Variants in TMEM50A observed in about 807,000 individuals in gnomAD.
The protein encoded by TMEM50A is cervical cancer oncogene 9.
In TMEM50A, 8 loss-of-function variants were observed where a neutral mutation model predicts 23.9. That is an observed-to-expected ratio of 0.33 (90% CI 0.20 to 0.60). TMEM50A has a LOEUF of 0.60. Ranked by LOEUF, TMEM50A falls within the 20% of genes least tolerant of loss-of-function variation. The pLI is 0.81. For missense variants in TMEM50A, 178 were observed against 192.7 expected, an observed-to-expected ratio of 0.92 and a Z score of 0.45; for synonymous variants, 55 against 60.4, an observed-to-expected ratio of 0.91 and a Z score of 0.41.
intron 2 of TMEM50A, among the ~76,000 whole-genome samples, chr1:25,341,443 A>G (rs1426418350): frequency 1.3e-5 from 2 of 152,188 alleles, no homozygotes; most frequent in East Asian, 1.9e-4. Context: ...GTATTTTAGT[A>G]GAGACGGGGT....
intron 5 of TMEM50A, among the ~76,000 whole-genome samples, chr1:25,353,688 G>C (rs1425583377): frequency 3.3e-5 from 5 of 152,180 alleles, no homozygotes; most frequent in Admixed American, 6.5e-5. Context: ...TTTAAGGCAA[G>C]CTCAGGAAAA....
At chr1:25,343,657 G>A (rs1309723064) in intron 3 of TMEM50A, among the ~76,000 whole-genome samples, 1 of 152,050 alleles carries the variant, frequency 6.6e-6, no homozygotes, top group African/African-American at 2.4e-5. Flanking sequence ...CTCCCAAAGT[G>A]CCAGGATTAC....
At position 25,359,420 on chromosome 1, in the gene TMEM50A, G is replaced by A. The variant is rs528692284; in HGVS notation, c.429-1240G>A. ...CCCTCACCGAAACCCTAGACCAGGGGTGTCCAATTTTTTGGCTTCCCTGGG... is the reference window on the plus strand; with the variant it reads ...CCCTCACCGAAACCCTAGACCAGGGATGTCCAATTTTTTGGCTTCCCTGGG... On this transcript the variant is annotated intron_variant, in intron 6 of 6. Transcript: ENST00000374358. Among the ~76,000 whole-genome samples the A allele has an allele frequency of 1.5e-3, 225 of 152,024 alleles. 1 individual carries two copies. The highest frequency in any genetic ancestry group is 5.2e-3 in the African/African-American group (217 of 41,452).
rs1296078679 is a variant in TMEM50A at position 25,343,041 on chromosome 1, C to T, written c.174C>T (p.Ala58=). The T allele has an allele frequency of 6.2e-7, 1 of 1,613,366 alleles. No individual in the cohort carries two copies. Among genetic ancestry groups the T allele is most frequent in the South Asian group, 1.1e-5 (1 of 90,948 alleles). ...AAGATTTCAACCACTCATACCATGC[C>T]TGTGGTGTTATAGCAACCATAGCCT... The part of the protein sequence containing the change: ...TMKDFNHSYH[A]CGVIATIAFL... The change falls in exon 3 of 7, where the codon GCC becomes GCT. Residue 58 remains alanine, a synonymous_variant. Coordinates refer to ENST00000374358, the MANE Select transcript of TMEM50A (RefSeq NM_014313.4).
At chr1:25,358,930 T>C (rs1345477845) in intron 6 of TMEM50A, among the ~76,000 whole-genome samples, 1 of 152,260 alleles carries the variant, frequency 6.6e-6, no homozygotes, top group Admixed American at 6.5e-5. Flanking sequence ...AATTTTTGTA[T>C]TTTTTGTAGA....
chr1:25,350,482 G>A (rs772419979), intron 3 of TMEM50A, among the ~76,000 whole-genome samples: 8 of 152,046 alleles, frequency 5.3e-5, no homozygotes, highest in Non-Finnish European at 7.4e-5. Flanking sequence ...CCTGTTTCCC[G>A]GGTTCAAGCA....
At chr1:25,347,710 T>TG (rs1440011579) in intron 3 of TMEM50A, among the ~76,000 whole-genome samples, 4 of 152,242 alleles carry the variant, frequency 2.6e-5, no homozygotes, top group African/African-American at 4.8e-5. Flanking sequence ...TGACTGTGCC[T>TG]GGCATGGAGT....
intron 3 of TMEM50A, among the ~76,000 whole-genome samples, chr1:25,350,658 G>C (rs1645266257): frequency 2.0e-5 from 3 of 152,018 alleles, no homozygotes; most frequent in Non-Finnish European, 2.9e-5. Flanking sequence ...AAAGTGCTGG[G>C]ATTATAGGCA....
Position 25,351,690 on chromosome 1 carries a change from A to G in TMEM50A, c.271A>G (p.Thr91Ala). 6.2e-7 allele frequency: 1 copy of G among 1,612,906 alleles called. No individual in the cohort carries two copies. The highest frequency in any genetic ancestry group is 8.5e-7 in the Non-Finnish European group (1 of 1,179,568). The change falls in exon 4 of 7, where the codon ACA becomes GCA. Residue 91 changes from threonine (T) to alanine (A), a missense_variant. Physicochemically the swap from Thr to Ala is moderately conservative, Grantham distance 58. Coordinates refer to ENST00000374358, the MANE Select transcript of TMEM50A (RefSeq NM_014313.4). ...TTACAGTGAAGGTTGTCTGGGTCAA[A>G]CAGGTAAATAGGTGCAAACAGCATC... is the stretch of plus-strand genomic sequence containing the variant. ...DSYSEGCLGQ[T>A]GARIWLFVGF... is the part of the protein sequence containing the mutation.
intron 5 of TMEM50A, among the ~76,000 whole-genome samples, chr1:25,356,219 A>G (rs1645332052): frequency 6.6e-6 from 1 of 152,142 alleles, no homozygotes; most frequent in African/African-American, 2.4e-5. Context: ...TCAGAGTAAA[A>G]ATCAGAGTCC....
At chr1:25,348,977 G>C (rs1356594728) in intron 3 of TMEM50A, among the ~76,000 whole-genome samples, 3 of 152,208 alleles carry the variant, frequency 2.0e-5, no homozygotes, top group African/African-American at 7.2e-5. Context: ...AGGGTGGGAA[G>C]GGGCAGCTCA....
In TMEM50A at chr1:25,361,044, C is replaced by T; in HGVS notation, c.*339C>T. On this transcript the variant is annotated 3_prime_UTR_variant, in exon 7 of 7. Transcript: ENST00000374358. The stretch of plus-strand genomic sequence containing the variant: ...TTGTCATATCTGAGGTCCAAAACCA[C>T]AATGAAAGTGCTCTGAAGATTTAAT... 4.7e-6 allele frequency: 1 copy of T among 213,964 alleles called. No individual in the cohort carries two copies. The highest frequency in any genetic ancestry group is 1.0e-4 in the East Asian group (1 of 9,622). 13.3% of individuals were successfully genotyped at this position (213,964 alleles called of 1,614,324 possible). A position where few individuals can be genotyped will look rare whatever the true frequency, so the allele number is the denominator to read the frequency against.
Position 25,352,987 on chromosome 1 carries a change from A to G in TMEM50A, c.367+13A>G, listed in dbSNP as rs778218250. On this transcript the variant is annotated intron_variant, in intron 5 of 6. Coordinates refer to ENST00000374358, the MANE Select transcript of TMEM50A (RefSeq NM_014313.4). Reference sequence around the variant, plus strand: ...TATGTTGCTAAAGGTAAGAGAAAACATAGGTTACAATTTACTTCAGTGGAA... The same window carrying G: ...TATGTTGCTAAAGGTAAGAGAAAACGTAGGTTACAATTTACTTCAGTGGAA... 1.5e-5 allele frequency: 24 copies of G among 1,599,944 alleles called. No homozygotes were observed. In the South Asian group the frequency reaches 2.6e-4, roughly 17 times the overall value.
chr1:25,345,300 G>A (rs1645203052), intron 3 of TMEM50A, among the ~76,000 whole-genome samples: 1 of 152,118 alleles, frequency 6.6e-6, no homozygotes, highest in African/African-American at 2.4e-5. Flanking sequence ...ATTTAAAAAG[G>A]CTGGGCGCAA....
chr1:25,357,543 G>GTGTGTGTGT (rs1422187456), intron 6 of TMEM50A, among the ~76,000 whole-genome samples: 3 of 150,388 alleles, frequency 2.0e-5, no homozygotes, highest in African/African-American at 7.4e-5. Context: ...GTGTGTGTGT[G>GTGTGTGTGT]TGTGTGTGTG....
At chr1:25,351,305 T>A (rs1286317144) in intron 3 of TMEM50A, among the ~76,000 whole-genome samples, 1 of 152,100 alleles carries the variant, frequency 6.6e-6, no homozygotes. Flanking sequence ...GCCAGGAGTT[T>A]GAGACCAGCC....
In TMEM50A at chr1:25,352,937, A is replaced by G. The variant is rs1645288415; in HGVS notation, c.330A>G (p.Ala110=). The G allele has an allele frequency of 6.2e-7, 1 of 1,613,918 alleles. No homozygotes were observed. Among genetic ancestry groups the G allele is most frequent in the Non-Finnish European group, 8.5e-7 (1 of 1,179,942 alleles). The change falls in exon 5 of 7, where the codon GCA becomes GCG. Residue 110 remains alanine (A), a synonymous_variant. Coordinates refer to ENST00000374358, the MANE Select transcript of TMEM50A (RefSeq NM_014313.4). ...GFMLAFGSLI[A]SMWILFGGYV... ...TGTTGGCCTTTGGATCTCTGATTGC[A>G]TCTATGTGGATTCTTTTTGGAGGTT...
intron 6 of TMEM50A, among the ~76,000 whole-genome samples, chr1:25,357,565 TGTG>T (rs1645347107): frequency 6.8e-6 from 1 of 147,484 alleles, no homozygotes; most frequent in Non-Finnish European, 1.5e-5. Context: ...GTGTGTGTTG[TGTG>T]TGTGTGTGTT....
chr1:25,338,851 G>A (rs1318953696), intron 1 of TMEM50A: 2 of 152,154 alleles, frequency 1.3e-5, no homozygotes, highest in African/African-American at 4.8e-5. Flanking sequence ...CGTCCCTCGA[G>A]ACCTAAAAGT....
Sources: allele counts gnomAD v4.1 joint callset (sites outside exome capture counted in the v4.1 genomes callset), GRCh38; gene constraint gnomAD v4.1.1; transcripts MANE v1.5; gene names NCBI Gene and HGNC (gene_info 2026-07-23, HGNC 2026-07-21).